LZTR1: variants seen among roughly 807,000 people sequenced by gnomAD.
LZTR1 encodes the protein leucine zipper like post translational regulator 1.
In LZTR1, 260 loss-of-function variants were observed where a neutral mutation model predicts 105.7. The observed-to-expected ratio is 2.46, with a 90% CI of 2.22 to 2.72. The LOEUF is 2.72. Among genes scored for constraint, LZTR1 ranks in the 30% most tolerant of loss-of-function variants. The pLI is 0.00. For synonymous variants in LZTR1, 490 were observed against 476.4 expected (o/e 1.03, Z -0.37); for missense variants, 1,214 against 1,166.9 (o/e 1.04, Z -0.59).
chr22:20,993,439 T>C lies in LZTR1; in HGVS notation c.1261-223T>C, dbSNP rs2147966474. On this transcript the variant is annotated intron_variant, in intron 11 of 20. Coordinates refer to ENST00000646124, the MANE Select transcript of LZTR1 (RefSeq NM_006767.4). ...CAAGAGAGGCAGGGGAGCCCTTTCCTGCTGTGGAGCCGGCCGTGGACAGTT... is the reference window on the plus strand; with the variant it reads ...CAAGAGAGGCAGGGGAGCCCTTTCCCGCTGTGGAGCCGGCCGTGGACAGTT... The C allele has an allele frequency of 1.0e-5, 6 of 588,306 alleles. No individual in the cohort carries two copies. In the East Asian group the frequency reaches 1.7e-4, roughly 16 times the overall value. The allele number at this position is 588,306 out of a possible 1,614,324, so 36.4% of individuals were successfully genotyped here.
In LZTR1 at chr22:20,985,026, C is replaced by T. The variant is rs372335125; in HGVS notation, c.264-815C>T. ...ATCACTTGAGGCCAGGCATTCAAGACGAGCCTGGGCAGGAAAGCAAGACTT... is the reference window on the plus strand; with the variant it reads ...ATCACTTGAGGCCAGGCATTCAAGATGAGCCTGGGCAGGAAAGCAAGACTT... On this transcript the variant is annotated intron_variant, in intron 2 of 20. Coordinates refer to ENST00000646124, the MANE Select transcript of LZTR1 (RefSeq NM_006767.4). Among the ~76,000 whole-genome samples the T allele has an allele frequency of 5.3e-4, 80 of 149,860 alleles. No individual in the cohort carries two copies. In the South Asian group the frequency reaches 8.4e-3, roughly 16 times the overall value.
rs373874813 is a variant in LZTR1, at chr22:20,988,462, C to T, written c.510-327C>T. On this transcript the variant is annotated intron_variant, in intron 5 of 20. Transcript: ENST00000646124. ...TCCAGCCTGGGAGACAGAACAAGAC[C>T]TTGTCACAAAAAAATGTTCAATAAG... is the stretch of plus-strand genomic sequence containing the variant. Among the ~76,000 whole-genome samples, 3 of 152,290 alleles carry T rather than the reference C, an allele frequency of 2.0e-5. No homozygotes were observed. The East Asian group carries it at 5.8e-4, about 29-fold the overall frequency.
intron 16 of LZTR1, chr22:20,995,244 G>A (rs1924788118): frequency 3.3e-5 from 23 of 702,040 alleles, no homozygotes; most frequent in South Asian, 3.0e-4. Flanking sequence ...TGGTGACCTG[G>A]GATTTCCTGA....
At position 20,994,721 on chromosome 22, in the gene LZTR1, A is replaced by T. The variant is rs747738203; in HGVS notation, c.1779A>T (p.Gln593His). 7.4e-6 allele frequency: 12 copies of T among 1,611,368 alleles called. No individual in the cohort carries two copies. In the South Asian group the frequency reaches 1.3e-4, roughly 18 times the overall value. ...CESAARLQLS[Q>H]LKEHCLNFVV... ...GTGCCGCCCGGCTGCAGCTGAGCCAACTCAAGGTGTGGGGTGGGGTCAGCG... is the reference window on the plus strand; with the variant it reads ...GTGCCGCCCGGCTGCAGCTGAGCCATCTCAAGGTGTGGGGTGGGGTCAGCG... Residue 593 changes from glutamine (Q) to histidine (H), a missense_variant, in exon 15 of 21, where the codon CAA (glutamine) becomes CAT (histidine). By Grantham distance (24) the Gln-to-His change is conservative. Transcript: ENST00000646124.
At chr22:20,987,238 CA>C (rs1204353140) in intron 3 of LZTR1, 4 of 372,650 alleles carry the variant, frequency 1.1e-5, no homozygotes, top group Non-Finnish European at 1.9e-5. Context: ...TACAAAAATA[CA>C]AAAAATTAGC....
chr22:20,989,306 T>C (rs1391890023), intron 6 of LZTR1, among the ~76,000 whole-genome samples: 3 of 152,348 alleles, frequency 2.0e-5, no homozygotes, highest in African/African-American at 7.2e-5. Flanking sequence ...CTCCTAACGA[T>C]GCAGTGATGG....
intron 2 of LZTR1, among the ~76,000 whole-genome samples, chr22:20,983,675 G>A (rs7289487): frequency 6.6e-6 from 1 of 151,998 alleles, no homozygotes; most frequent in African/African-American, 2.4e-5. Flanking sequence ...AGCCCTGGAA[G>A]GTCTGGCCTC....
intron 11 of LZTR1, 79 bp from the exon 12 acceptor site, chr22:20,993,583 C>T: frequency 8.0e-7 from 1 of 1,251,658 alleles, no homozygotes. Flanking sequence ...CAGGTGGGGA[C>T]CTCAGGGTCG....
Position 20,982,392 on chromosome 22 carries a change from G to A in LZTR1, c.21G>A (p.Thr7=), listed in dbSNP as rs377622689. ...CCGGGATGGCTGGACCGGGCAGCAC[G>A]GGGGGGCAGATCGGGGCTGCGGCCC... MAGPGS[T]GGQIGAAALA... The change falls in exon 1 of 21, where the codon ACG becomes ACA. Residue 7 remains threonine (T), a synonymous_variant. Coordinates refer to ENST00000646124, the MANE Select transcript of LZTR1 (RefSeq NM_006767.4). The A allele has an allele frequency of 4.5e-5, 70 of 1,558,372 alleles. No homozygotes were observed. The African/African-American group carries it at 8.8e-4, about 20-fold the overall frequency.
chr22:20,985,731 C>T, intron 2 of LZTR1, 110 bp from the exon 3 acceptor site: 1 of 980,990 alleles, frequency 1.0e-6, no homozygotes, highest in Non-Finnish European at 1.6e-6. Context: ...TGTTAGTGAC[C>T]CAGCCCACAA....
chr22:20,990,154 G>T (rs914875839), intron 7 of LZTR1, among the ~76,000 whole-genome samples: 3 of 152,048 alleles, frequency 2.0e-5, no homozygotes, highest in African/African-American at 7.2e-5. Context: ...TGAAAAACAT[G>T]AGTTTAGCCC....
chr22:20,984,318 G>T (rs576975341), intron 2 of LZTR1, among the ~76,000 whole-genome samples: 1 of 152,294 alleles, frequency 6.6e-6, no homozygotes, highest in East Asian at 1.9e-4. Context: ...GGAATGAAAT[G>T]AAGAAGAGAT....
chr22:20,986,089 C>T (rs1184961434), intron 3 of LZTR1, 192 bp downstream of exon 3: 2 of 614,184 alleles, frequency 3.3e-6, no homozygotes, highest in Non-Finnish European at 5.7e-6. Context: ...AAGTAACCAC[C>T]CCGCACCTGC....
chr22:20,986,706 T>G (rs1365834231), intron 3 of LZTR1: 1 of 152,076 alleles, frequency 6.6e-6, no homozygotes, highest in African/African-American at 2.4e-5. Context: ...ATAGATTATA[T>G]AGATTAGATG....
chr22:20,997,443 G>C lies in LZTR1; in HGVS notation c.*95G>C, dbSNP rs1924911365. 2 of 973,730 alleles carry C rather than the reference G, an allele frequency of 2.1e-6. No homozygotes were observed. The highest frequency in any genetic ancestry group is 3.2e-6 in the Non-Finnish European group (2 of 617,312). The allele number at this position is 973,730 out of a possible 1,614,324, so 60.3% of individuals were successfully genotyped here. ...GGCTATGCGCATGCCTATGGCAGTG[G>C]GTGCACCTGCCAGGCCAAGGGTCAG... is the stretch of plus-strand genomic sequence containing the variant. On this transcript the variant is annotated 3_prime_UTR_variant, in exon 21 of 21. Coordinates refer to ENST00000646124, the MANE Select transcript of LZTR1 (RefSeq NM_006767.4).
chr22:20,994,453 C>A, intron 14 of LZTR1, 105 bp from the exon 15 acceptor site: 1 of 1,365,806 alleles, frequency 7.3e-7, no homozygotes, highest in South Asian at 1.3e-5. Context: ...GGCCTTGTTC[C>A]TACCTAGTGG....
chr22:20,987,522 C>T lies in LZTR1; in HGVS notation c.339C>T (p.Thr113=). ...ACCCCAGGGCCTTTACCACTGGGAC[C>T]CCACCGGCCCCCCGTTACCACCACT... ...CSWCRAFTTG[T]PPAPRYHHSA... Residue 113 remains threonine (T), a synonymous_variant, in exon 4 of 21, where the codon ACC becomes ACT. Coordinates refer to ENST00000646124, the MANE Select transcript of LZTR1 (RefSeq NM_006767.4). 1 of 1,613,998 alleles carries T rather than the reference C, an allele frequency of 6.2e-7. No homozygotes were observed. Among genetic ancestry groups the T allele is most frequent in the Non-Finnish European group, 8.5e-7 (1 of 1,179,900 alleles).
rs993380676 is a variant in LZTR1, at chr22:20,988,096, A to G, written c.487A>G (p.Thr163Ala). The G allele has an allele frequency of 6.2e-7, 1 of 1,611,592 alleles. No homozygotes were observed. Among genetic ancestry groups the G allele is most frequent in the Non-Finnish European group, 8.5e-7 (1 of 1,177,750 alleles). The part of the protein sequence containing the change: ...FEYKFATGQW[T>A]EWKIEGRLPV... ...ATACAAGTTTGCAACTGGCCAGTGGACGGAGTGGAAAATTGAAGGACGGTG... is the reference window on the plus strand; with the variant it reads ...ATACAAGTTTGCAACTGGCCAGTGGGCGGAGTGGAAAATTGAAGGACGGTG... The change falls in exon 5 of 21, where the codon ACG becomes GCG. Residue 163 changes from threonine (T) to alanine (A), a missense_variant. Transcript: ENST00000646124.
rs777021795 is a variant in LZTR1, at chr22:20,996,024, G to A, written c.2131G>A (p.Gly711Arg). ...AGATGGGCAGGTGAACATCTCCATC[G>A]GGGAGATGGTGCCCAGCAGGCAGGC... ...PEDGQVNISI[G>R]EMVPSRQAFE... Residue 711 changes from glycine to arginine, a missense_variant, in exon 18 of 21, where the codon GGG (glycine) becomes AGG (arginine). Transcript: ENST00000646124. 3.2e-5 allele frequency: 52 copies of A among 1,613,510 alleles called. No individual in the cohort carries two copies. The highest frequency in any genetic ancestry group is 5.5e-5 in the South Asian group (5 of 91,076).
Sources: allele counts gnomAD v4.1 joint callset (sites outside exome capture counted in the v4.1 genomes callset), GRCh38; gene constraint gnomAD v4.1.1; transcripts MANE v1.5; gene names NCBI Gene and HGNC (gene_info 2026-07-23, HGNC 2026-07-21).